The following DENND2C variants were observed in gnomAD, a reference collection of about 807,000 sequenced individuals.
DENND2C encodes the protein DENN domain containing 2C, also known as DENN domain-containing protein 2C.
Under a neutral mutation model 112.4 loss-of-function variants are expected in DENND2C, and 72 were observed. That is an observed-to-expected ratio of 0.64 (90% confidence interval 0.53 to 0.78). The LOEUF (loss-of-function observed/expected upper bound fraction) is 0.78, where lower values mean the gene tolerates loss of function less well. Among genes scored for constraint, DENND2C ranks in the 30% least tolerant of loss-of-function variants. DENND2C has a pLI of 0.00. For missense variants in DENND2C, 992 were observed against 1,113.8 expected (o/e 0.89, Z 1.56); for synonymous variants, 329 against 381.6 (o/e 0.86, Z 1.61).
intron 20 of DENND2C, 61 bp downstream of exon 20, chr1:114,587,326 C>A: frequency 6.3e-7 from 1 of 1,577,560 alleles, no homozygotes. Flanking sequence ...GAATTACAGG[C>A]ATGAGCCACC....
rs117253351 is a variant in DENND2C, at chr1:114,640,265, C to T, written c.-205+5183G>A. ...TCCCAGGTGTAAAAGTTCCTGTGGCCCTCTGCTCATTTATGAGAGGCTATT... is the reference window on the plus strand; with the variant it reads ...TCCCAGGTGTAAAAGTTCCTGTGGCTCTCTGCTCATTTATGAGAGGCTATT... On this transcript the variant is annotated intron_variant, in intron 3 of 20. Transcript: ENST00000393274. 5.9e-5 allele frequency among the ~76,000 whole-genome samples: 9 copies of T among 152,210 alleles called. No homozygotes were observed. In the East Asian group the frequency reaches 1.7e-3, roughly 29 times the overall value.
chr1:114,595,523 G>T, intron 17 of DENND2C: 2 of 225,728 alleles, frequency 8.9e-6, no homozygotes, highest in Non-Finnish European at 1.7e-5. Flanking sequence ...CTTAATAAAT[G>T]CTTTTAAAAT....
chr1:114,586,057 G>A (rs1005650493), intron 20 of DENND2C, among the ~76,000 whole-genome samples: 1 of 152,162 alleles, frequency 6.6e-6, no homozygotes, highest in Non-Finnish European at 1.5e-5. Context: ...TGGTCTGTCA[G>A]CTAGTGAAGG....
chr1:114,637,739 T>C (rs888091917), intron 3 of DENND2C, among the ~76,000 whole-genome samples: 5 of 152,188 alleles, frequency 3.3e-5, no homozygotes, highest in African/African-American at 1.2e-4. Flanking sequence ...GGTCTTGAAC[T>C]CCTGGCCTCA....
At chr1:114,588,758 A>G (rs1655109698) in intron 18 of DENND2C, among the ~76,000 whole-genome samples, 1 of 151,982 alleles carries the variant, frequency 6.6e-6, no homozygotes, top group Admixed American at 6.6e-5. Context: ...TTAAATAAAG[A>G]TTTTTTTTCC....
intron 9 of DENND2C, 81 bp downstream of exon 9, chr1:114,610,992 T>C (rs1022800116): frequency 6.6e-7 from 1 of 1,506,138 alleles, no homozygotes; most frequent in Non-Finnish European, 9.2e-7. Flanking sequence ...GGAAAAAACA[T>C]GCTTAGTCAC....
intron 2 of DENND2C, among the ~76,000 whole-genome samples, chr1:114,646,098 T>G (rs146829719): frequency 0.026 from 3,885 of 152,080 alleles, 177 homozygotes; most frequent in African/African-American, 0.088. Flanking sequence ...GGCTAATTTT[T>G]TTGTATTTTT....
chr1:114,642,391 T>C (rs554066385), intron 3 of DENND2C, among the ~76,000 whole-genome samples: 1 of 152,334 alleles, frequency 6.6e-6, no homozygotes, highest in Admixed American at 6.5e-5. Flanking sequence ...AGCTACATAT[T>C]TTCCAATAAT....
At chr1:114,647,599 T>G (rs1427753623) in intron 2 of DENND2C, among the ~76,000 whole-genome samples, 1 of 152,226 alleles carries the variant, frequency 6.6e-6, no homozygotes, top group Non-Finnish European at 1.5e-5. Flanking sequence ...TTTTGTATTT[T>G]TAGTAGAGAC....
intron 1 of DENND2C, among the ~76,000 whole-genome samples, chr1:114,668,753 G>C (rs1396663301): frequency 1.3e-5 from 2 of 152,002 alleles, no homozygotes; most frequent in Admixed American, 6.6e-5. Flanking sequence ...TATAATAAAG[G>C]CTGTATGAAA....
At chr1:114,639,198 C>G (rs928993414) in intron 3 of DENND2C, among the ~76,000 whole-genome samples, 9 of 152,160 alleles carry the variant, frequency 5.9e-5, no homozygotes, top group African/African-American at 2.2e-4. Context: ...GATTGGAGCA[C>G]CTGCAACTCT....
At chr1:114,607,598 A>G (rs918343364) in intron 10 of DENND2C, among the ~76,000 whole-genome samples, 1 of 152,246 alleles carries the variant, frequency 6.6e-6, no homozygotes, top group Non-Finnish European at 1.5e-5. Context: ...CACAGGCTCA[A>G]TAAGCTCTGT....
At position 114,602,204 on chromosome 1, in the gene DENND2C, G is replaced by C. The variant is rs1165909658; in HGVS notation, c.1668-10C>G. The C allele has an allele frequency of 6.2e-7, 1 of 1,612,588 alleles. No individual in the cohort carries two copies. The highest frequency in any genetic ancestry group is 2.2e-5 in the East Asian group (1 of 44,818). On this transcript the variant is annotated splice_polypyrimidine_tract_variant and intron_variant, in intron 11 of 20. Coordinates refer to ENST00000393274, the MANE Select transcript of DENND2C (RefSeq NM_001256404.2). ...AAAGGAGAATGTTTCACTGAAAAAA[G>C]AGCCAATAGTTAGTTTAGGATCCAA... is the stretch of plus-strand genomic sequence containing the variant.
intron 17 of DENND2C, chr1:114,595,496 A>G (rs890434141): frequency 6.9e-5 from 12 of 174,056 alleles, no homozygotes; most frequent in Non-Finnish European, 1.5e-4. Context: ...AAAAAAAAAA[A>G]AAAGAAATAA....
intron 2 of DENND2C, among the ~76,000 whole-genome samples, chr1:114,651,064 G>A (rs1657146380): frequency 6.6e-6 from 1 of 151,886 alleles, no homozygotes; most frequent in African/African-American, 2.4e-5. Flanking sequence ...AGCCGAGATC[G>A]TGCTGCTGCA....
At chr1:114,642,550 T>G (rs902543283) in intron 3 of DENND2C, among the ~76,000 whole-genome samples, 1 of 152,204 alleles carries the variant, frequency 6.6e-6, no homozygotes, top group Non-Finnish European at 1.5e-5. Flanking sequence ...GATCACAATG[T>G]TTACAGATAA....
At chr1:114,609,225 C>A (rs1420613492) in intron 9 of DENND2C, among the ~76,000 whole-genome samples, 1 of 152,196 alleles carries the variant, frequency 6.6e-6, no homozygotes, top group Non-Finnish European at 1.5e-5. Flanking sequence ...AAGCGCTAGA[C>A]TGACAACAGA....
chr1:114,631,482 A>AATG (rs1656487023), intron 3 of DENND2C, among the ~76,000 whole-genome samples: 1 of 152,032 alleles, frequency 6.6e-6, no homozygotes, highest in Non-Finnish European at 1.5e-5. Context: ...GAGAAAAATC[A>AATG]ATCAATAGAA....
intron 3 of DENND2C, among the ~76,000 whole-genome samples, chr1:114,631,856 G>C (rs1656500424): frequency 6.6e-6 from 1 of 152,076 alleles, no homozygotes; most frequent in Non-Finnish European, 1.5e-5. Context: ...AGACATGATG[G>C]AATTGGCAGA....
Sources: gnomAD v4.1 joint callset for allele counts (sites outside exome capture counted in the v4.1 genomes callset) on GRCh38, gnomAD v4.1.1 for gene constraint, MANE v1.5 for transcripts, NCBI Gene and HGNC (gene_info 2026-07-23, HGNC 2026-07-21) for gene names.